TRIP12: variants seen among roughly 807,000 people sequenced by gnomAD.
TRIP12 encodes the protein E3 ubiquitin-protein ligase TRIP12.
TRIP12 carries 25 observed loss-of-function variants against 244.2 expected under a neutral mutation model. The observed-to-expected ratio is 0.10, with a 90% CI of 0.07 to 0.14. TRIP12 has a LOEUF of 0.14. Among genes scored for constraint, TRIP12 ranks in the 10% least tolerant of loss-of-function variants. The pLI is 1.00. For synonymous variants in TRIP12, 905 were observed against 873.1 expected (o/e 1.04, Z -0.64); for missense variants, 1,677 against 2,486.4 (o/e 0.67, Z 6.92).
rs1350282789 is a variant in TRIP12, at chr2:229,889,723, TA to T, written c.-49-9596del. Among the ~76,000 whole-genome samples, 3 of 152,332 alleles carry T rather than the reference TA, an allele frequency of 2.0e-5. No homozygotes were observed. The East Asian group carries it at 5.8e-4, about 29-fold the overall frequency. On this transcript the variant is annotated intron_variant, in intron 1 of 41. Coordinates refer to ENST00000675903, the MANE Select transcript of TRIP12 (RefSeq NM_001348323.3). ...TCAGTTTTTCTTCAATGGGGTACTT[TA>T]AAAGTTCTTCCTTATAAAGATATAA...
rs1266251923 is a variant in TRIP12 at position 229,796,662 on chromosome 2, T to C, written c.3745A>G (p.Lys1249Glu). ...VKQLLLYLTS[K>E]SEKDAVSREI... ...CTGCTCACAGCATCCTTTTCACTTT[T>C]AGATGTCAAATAAAGCAACAGCTGC... is the stretch of plus-strand genomic sequence containing the variant. The change falls in exon 25 of 42, where the codon AAA becomes GAA. Residue 1249 changes from lysine to glutamate, a missense_variant. This residue lies in a region of TRIP12 where 77 missense variants were observed against 69.2 expected (regional missense o/e 1.11). Coordinates refer to ENST00000675903, the MANE Select transcript of TRIP12 (RefSeq NM_001348323.3). The C allele has an allele frequency of 4.3e-6, 7 of 1,612,812 alleles. No individual in the cohort carries two copies. Among genetic ancestry groups the C allele is most frequent in the East Asian group, 4.5e-5 (2 of 44,836 alleles).
chr2:229,921,427 A>G, intron 1 of TRIP12: 1 of 147,730 alleles, frequency 6.8e-6, no homozygotes, highest in African/African-American at 2.5e-5. Context: ...TTTCCGGGGA[A>G]CCCTTGCCGT....
intron 2 of TRIP12, among the ~76,000 whole-genome samples, chr2:229,861,495 G>A (rs1390408093): frequency 1.3e-5 from 2 of 151,976 alleles, no homozygotes; most frequent in Non-Finnish European, 2.9e-5. Context: ...TGAAAATCTA[G>A]AAAAAAGTTT....
At chr2:229,823,669 T>C (rs2050710967) in intron 8 of TRIP12, among the ~76,000 whole-genome samples, 1 of 141,606 alleles carries the variant, frequency 7.1e-6, no homozygotes, top group Non-Finnish European at 1.6e-5. Flanking sequence ...GAGGAGACTC[T>C]GTCTCAAAAA....
intron 4 of TRIP12, among the ~76,000 whole-genome samples, chr2:229,842,987 A>G (rs559458472): frequency 6.6e-6 from 1 of 152,066 alleles, no homozygotes; most frequent in African/African-American, 2.4e-5. Flanking sequence ...AGACACAAAC[A>G]TTTCCATTAC....
chr2:229,832,816 C>T (rs1049005745), intron 6 of TRIP12, among the ~76,000 whole-genome samples: 2 of 152,202 alleles, frequency 1.3e-5, no homozygotes, highest in Non-Finnish European at 2.9e-5. Flanking sequence ...GTTGCTTCTT[C>T]ACATTATACA....
At chr2:229,917,364 G>A (rs2075637859) in intron 1 of TRIP12, among the ~76,000 whole-genome samples, 1 of 90,614 alleles carries the variant, frequency 1.1e-5, no homozygotes, top group East Asian at 3.6e-4. Context: ...CTGGGCAACA[G>A]AGCGAGACTC....
intron 23 of TRIP12, 73 bp downstream of exon 23, chr2:229,798,802 C>G: frequency 6.6e-7 from 1 of 1,514,118 alleles, no homozygotes. Context: ...ACACAATAAA[C>G]GTACTGGCTG....
chr2:229,906,005 A>T (rs2072642119), intron 1 of TRIP12, among the ~76,000 whole-genome samples: 1 of 152,224 alleles, frequency 6.6e-6, no homozygotes, highest in South Asian at 2.1e-4. Context: ...GAAGAACCAC[A>T]TAAAGAAACA....
Position 229,917,380 on chromosome 2 carries a change from C to CAAAAAAAAA in TRIP12, c.-50+4491_-50+4499dup, listed in dbSNP as rs60397605. On this transcript the variant is annotated intron_variant, in intron 1 of 41. Coordinates refer to ENST00000675903, the MANE Select transcript of TRIP12 (RefSeq NM_001348323.3). ...TGGGCAACAGAGCGAGACTCTGTCT[C>CAAAAAAAAA]AAAAAAAAAAAAAAAAAAAAAAAAA... is the stretch of plus-strand genomic sequence containing the variant. Among the ~76,000 whole-genome samples, 102 of 29,268 alleles carry CAAAAAAAAA rather than the reference C, an allele frequency of 3.5e-3. 25 individuals carry two copies. The highest frequency in any genetic ancestry group is 6.8e-3 in the East Asian group (4 of 590). 19.2% of individuals were successfully genotyped at this position (29,268 alleles called of 152,430 possible).
chr2:229,808,982 C>CAA (rs144010725), intron 15 of TRIP12, among the ~76,000 whole-genome samples: 1 of 152,278 alleles, frequency 6.6e-6, no homozygotes, highest in African/African-American at 2.4e-5. Context: ...AGGGAACTCT[C>CAA]AGTCTCTACC....
At chr2:229,889,025 G>T (rs368556719) in intron 1 of TRIP12, among the ~76,000 whole-genome samples, 3 of 152,114 alleles carry the variant, frequency 2.0e-5, no homozygotes, top group African/African-American at 7.2e-5. Context: ...AATAAATTTT[G>T]AGCATATGTA....
intron 20 of TRIP12, 59 bp from the exon 21 acceptor site, chr2:229,802,518 C>T (rs2044652941): frequency 3.9e-6 from 5 of 1,291,052 alleles, no homozygotes; most frequent in Non-Finnish European, 5.4e-6. Flanking sequence ...ACCTTCTCCC[C>T]ACCATTACAA....
intron 36 of TRIP12, 70 bp from the exon 37 acceptor site, chr2:229,777,549 T>G: frequency 1.3e-6 from 2 of 1,485,070 alleles, no homozygotes; most frequent in Non-Finnish European, 1.9e-6. Context: ...TCTAAGGCAC[T>G]TCAGGAGATC....
At chr2:229,789,857 G>A in intron 30 of TRIP12, 95 bp from the exon 31 acceptor site, 3 of 1,354,100 alleles carry the variant, frequency 2.2e-6, no homozygotes, top group Non-Finnish European at 3.0e-6. Flanking sequence ...AGTAACAGAA[G>A]TTGTTATAGT....
At position 229,897,134 on chromosome 2, in the gene TRIP12, C is replaced by T. The variant is rs532814167; in HGVS notation, c.-49-17006G>A. ...TTTGCTATGTGAGCCTAAAACTACTCTTAAGAAGTCTTTTAAGGCATTAAA... is the reference window on the plus strand; with the variant it reads ...TTTGCTATGTGAGCCTAAAACTACTTTTAAGAAGTCTTTTAAGGCATTAAA... On this transcript the variant is annotated intron_variant, in intron 1 of 41. Transcript: ENST00000675903. Among the ~76,000 whole-genome samples, 24 of 152,218 alleles carry T rather than the reference C, an allele frequency of 1.6e-4. 1 individual carries two copies. The highest frequency in any genetic ancestry group is 5.5e-4 in the African/African-American group (23 of 41,544).
chr2:229,908,909 T>C (rs929307241), intron 1 of TRIP12, among the ~76,000 whole-genome samples: 9 of 151,486 alleles, frequency 5.9e-5, no homozygotes, highest in African/African-American at 1.9e-4. Flanking sequence ...CTGGGCAATA[T>C]AGCGAGACCC....
chr2:229,823,219 T>C (rs772025641), intron 8 of TRIP12, among the ~76,000 whole-genome samples: 9 of 152,202 alleles, frequency 5.9e-5, no homozygotes, highest in Non-Finnish European at 1.2e-4. Flanking sequence ...AACTCACATA[T>C]TCAAAAGTTC....
chr2:229,911,544 T>C (rs766263327), intron 1 of TRIP12, among the ~76,000 whole-genome samples: 6 of 152,204 alleles, frequency 3.9e-5, no homozygotes, highest in South Asian at 2.1e-4. Context: ...AGGGTGACTA[T>C]AGTTTAATAT....
Sources: allele counts gnomAD v4.1 joint callset (sites outside exome capture counted in the v4.1 genomes callset), GRCh38; gene constraint gnomAD v4.1.1; regional missense constraint gnomAD v4.1.1; transcripts MANE v1.5; gene names NCBI Gene and HGNC (gene_info 2026-07-23, HGNC 2026-07-21).